The following EPS15 variants were observed in gnomAD, a reference collection of about 807,000 sequenced individuals.
EPS15 encodes the protein epidermal growth factor receptor pathway substrate 15, also known as epidermal growth factor receptor substrate 15.
EPS15 carries 72 observed loss-of-function variants against 113.8 expected under a neutral mutation model. The ratio of observed to expected loss-of-function variants is 0.63; its 90% confidence interval spans 0.52 to 0.77. The LOEUF (loss-of-function observed/expected upper bound fraction) is 0.77, where lower values mean the gene tolerates loss of function less well. Among genes scored for constraint, EPS15 ranks in the 30% least tolerant of loss-of-function variants. EPS15 has a pLI of 0.00. For synonymous variants in EPS15, 344 were observed against 363.4 expected (o/e 0.95, Z 0.61); for missense variants, 1,048 against 1,045.8 (o/e 1.00, Z -0.03).
At chr1:51,445,797 C>T (rs79892603) in intron 10 of EPS15, among the ~76,000 whole-genome samples, 16,980 of 152,204 alleles carry the variant, frequency 0.11, 1,339 homozygotes, top group South Asian at 0.34. Flanking sequence ...ATAACCTTGG[C>T]TAAGTTTTTT....
At chr1:51,484,221 A>G (rs1644077666) in intron 1 of EPS15, among the ~76,000 whole-genome samples, 1 of 152,116 alleles carries the variant, frequency 6.6e-6, no homozygotes, top group South Asian at 2.1e-4. Flanking sequence ...TTGTCCCAGC[A>G]TCCCATTCAG....
At chr1:51,497,190 GA>G (rs764303737) in intron 1 of EPS15, among the ~76,000 whole-genome samples, 8 of 152,176 alleles carry the variant, frequency 5.3e-5, no homozygotes, top group Non-Finnish European at 1.2e-4. Context: ...ATCATTTGAT[GA>G]ATATTTCTAT....
At chr1:51,464,791 T>A (rs1326751817) in intron 6 of EPS15, among the ~76,000 whole-genome samples, 1 of 152,240 alleles carries the variant, frequency 6.6e-6, no homozygotes, top group Non-Finnish European at 1.5e-5. Flanking sequence ...TACACATTTA[T>A]CAAAGCTCAT....
chr1:51,489,416 G>A (rs1557518954), intron 1 of EPS15, among the ~76,000 whole-genome samples: 1 of 151,044 alleles, frequency 6.6e-6, no homozygotes, highest in Non-Finnish European at 1.5e-5. Flanking sequence ...CCGCCTCCCG[G>A]GTTCCAGCAA....
chr1:51,416,769 CTG>C (rs1257987084), intron 13 of EPS15, among the ~76,000 whole-genome samples: 18 of 151,614 alleles, frequency 1.2e-4, no homozygotes, highest in African/African-American at 4.1e-4. Context: ...CCTTTTAACT[CTG>C]TATTTTATAT....
At chr1:51,474,670 G>C (rs1387481606) in intron 2 of EPS15, among the ~76,000 whole-genome samples, 3 of 151,776 alleles carry the variant, frequency 2.0e-5, no homozygotes, top group African/African-American at 7.3e-5. Flanking sequence ...AAATGAAATA[G>C]TTTTCTTTTT....
chr1:51,473,347 T>C (rs982904237), intron 2 of EPS15, among the ~76,000 whole-genome samples: 1 of 152,258 alleles, frequency 6.6e-6, no homozygotes, highest in Admixed American at 6.5e-5. Context: ...GCACATGTTA[T>C]GTGCCTCTTC....
intron 13 of EPS15, among the ~76,000 whole-genome samples, chr1:51,419,187 G>C (rs1159933148): frequency 2.0e-5 from 3 of 152,034 alleles, no homozygotes; most frequent in Non-Finnish European, 4.4e-5. Flanking sequence ...GGCCTAATTT[G>C]TCCACAGAAC....
chr1:51,508,372 G>GAA (rs768686158), intron 1 of EPS15, among the ~76,000 whole-genome samples: 1,808 of 150,902 alleles, frequency 0.012, 26 homozygotes, highest in Non-Finnish European at 0.017. Flanking sequence ...AAGAAAGAAA[G>GAA]AAAGAAAGAA....
At position 51,421,783 on chromosome 1, in the gene EPS15, T is replaced by C. The variant is rs748508066; in HGVS notation, c.1113+3A>G. ...TGGAACACTAAATTTTATGGTCACT[T>C]ACCTGAACCTCACTTGTCCTCTGTT... On this transcript the variant is annotated splice_donor_region_variant and intron_variant, in intron 13 of 24. Coordinates refer to ENST00000371733, the MANE Select transcript of EPS15 (RefSeq NM_001981.3). 5 of 1,559,198 alleles carry C rather than the reference T, an allele frequency of 3.2e-6. No individual in the cohort carries two copies. Among genetic ancestry groups the C allele is most frequent in the Admixed American group, 1.8e-5 (1 of 56,622 alleles).
rs1655016882 is a variant in EPS15, at chr1:51,468,574, A to G, written c.214-6T>C. ...CGCAAAGCAACAAAGAATTCCTAAGAAAGAAAAGTATGAATGTTAAGAGCA... is the reference window on the plus strand; with the variant it reads ...CGCAAAGCAACAAAGAATTCCTAAGGAAGAAAAGTATGAATGTTAAGAGCA... On this transcript the variant is annotated splice_polypyrimidine_tract_variant and splice_region_variant and intron_variant, in intron 4 of 24. Transcript: ENST00000371733. 1 of 1,600,164 alleles carries G rather than the reference A, an allele frequency of 6.2e-7. No homozygotes were observed. The highest frequency in any genetic ancestry group is 2.2e-5 in the East Asian group (1 of 44,778).
chr1:51,504,237 T>C (rs765837097), intron 1 of EPS15, among the ~76,000 whole-genome samples: 4 of 151,906 alleles, frequency 2.6e-5, no homozygotes, highest in Non-Finnish European at 5.9e-5. Context: ...TGAAACCCCA[T>C]CTCTACAAAA....
intron 12 of EPS15, among the ~76,000 whole-genome samples, chr1:51,437,236 C>A (rs953338261): frequency 6.6e-6 from 1 of 152,048 alleles, no homozygotes; most frequent in African/African-American, 2.4e-5. Context: ...ATTCTTCACC[C>A]AACTAACTCA....
chr1:51,437,701 T>C (rs1006118776), intron 12 of EPS15, among the ~76,000 whole-genome samples: 2 of 152,018 alleles, frequency 1.3e-5, no homozygotes, highest in Admixed American at 6.6e-5. Context: ...CAGGCTGGTC[T>C]CAAACTCCTG....
At chr1:51,380,894 A>G (rs1428353512) in intron 21 of EPS15, among the ~76,000 whole-genome samples, 2 of 152,248 alleles carry the variant, frequency 1.3e-5, no homozygotes, top group African/African-American at 2.4e-5. Context: ...AGATATCTTA[A>G]TATCAGAAAA....
At chr1:51,364,500 ATTT>A (rs11386357) in intron 22 of EPS15, among the ~76,000 whole-genome samples, 1 of 146,846 alleles carries the variant, frequency 6.8e-6, no homozygotes, top group Non-Finnish European at 1.5e-5. Context: ...TTGAAAGTCA[ATTT>A]TTTTTTTTTT....
chr1:51,387,914 G>A (rs1202723099), intron 21 of EPS15, among the ~76,000 whole-genome samples: 1 of 152,170 alleles, frequency 6.6e-6, no homozygotes, highest in Non-Finnish European at 1.5e-5. Flanking sequence ...AGATCAATGA[G>A]ACAGAAAGTT....
chr1:51,366,137 G>A, intron 21 of EPS15, 108 bp from the exon 22 acceptor site: 1 of 671,816 alleles, frequency 1.5e-6, no homozygotes, highest in Non-Finnish European at 2.5e-6. Flanking sequence ...GTACGATCAT[G>A]GCTCACTGCA....
chr1:51,399,268 G>A (rs1490813026), intron 19 of EPS15, 103 bp from the exon 20 acceptor site: 6 of 1,112,926 alleles, frequency 5.4e-6, no homozygotes, highest in Non-Finnish European at 7.8e-6. Flanking sequence ...AGACAGTCTG[G>A]GGCCAGGTGC....
Sources: allele counts gnomAD v4.1 joint callset (sites outside exome capture counted in the v4.1 genomes callset), GRCh38; gene constraint gnomAD v4.1.1; transcripts MANE v1.5; gene names NCBI Gene and HGNC (gene_info 2026-07-23, HGNC 2026-07-21).